STARD13: variants seen among roughly 807,000 people sequenced by gnomAD.
The protein encoded by STARD13 is StAR related lipid transfer domain containing 13, also known as stAR-related lipid transfer protein 13.
A neutral mutation model predicts 106.4 loss-of-function variants in STARD13; 62 were observed. The observed-to-expected ratio is 0.58, with a 90% CI of 0.48 to 0.72. The LOEUF (loss-of-function observed/expected upper bound fraction) is 0.72, where lower values mean the gene tolerates loss of function less well. Among genes scored for constraint, STARD13 ranks in the 30% least tolerant of loss-of-function variants. The pLI is 0.00. For missense variants in STARD13, 1,387 were observed against 1,424.0 expected (o/e 0.97, Z 0.42); for synonymous variants, 565 against 553.0 (o/e 1.02, Z -0.31).
At chr13:33,164,731 C>T (rs911988285) in intron 3 of STARD13, among the ~76,000 whole-genome samples, 16 of 152,142 alleles carry the variant, frequency 1.1e-4, no homozygotes, top group Admixed American at 9.2e-4. Context: ...CAAGATAATA[C>T]GTTGTTTTAA....
At chr13:33,628,186 CA>C in the STARD13 span, among the ~76,000 whole-genome samples, 1,882 of 146,934 alleles carry the variant, frequency 0.013, 32 homozygotes, top group African/African-American at 0.045. Context: ...CACACACACA[CA>C]CACACCACAT....
At chr13:33,382,386 C>G in the STARD13 span, among the ~76,000 whole-genome samples, 1 of 152,130 alleles carries the variant, frequency 6.6e-6, no homozygotes, top group East Asian at 1.9e-4. Context: ...CTAGACCCTC[C>G]CCACACTGGG....
chr13:33,216,542 A>G (rs1448500069), intron 1 of STARD13, among the ~76,000 whole-genome samples: 2 of 152,118 alleles, frequency 1.3e-5, no homozygotes, highest in Admixed American at 6.6e-5. Context: ...GAATGACACA[A>G]TGGACTTTGG....
intron 1 of STARD13, among the ~76,000 whole-genome samples, chr13:33,308,040 G>A (rs1892977182): frequency 6.6e-6 from 1 of 152,086 alleles, no homozygotes; most frequent in Non-Finnish European, 1.5e-5. Flanking sequence ...CAACACAAAG[G>A]GGCTATATTT....
chr13:33,524,153 T>C, the STARD13 span: 1 of 639,054 alleles, frequency 1.6e-6, no homozygotes, highest in Admixed American at 5.0e-5. Context: ...GTGAACACAG[T>C]GCTGTTTTTA....
the STARD13 span, chr13:33,524,165 C>A: frequency 3.5e-6 from 3 of 847,294 alleles, no homozygotes; most frequent in Non-Finnish European, 4.6e-6. Context: ...CTGTTTTTAC[C>A]TTGGTGAATT....
intron 1 of STARD13, among the ~76,000 whole-genome samples, chr13:33,217,200 A>T (rs779386967): frequency 2.0e-5 from 3 of 152,108 alleles, no homozygotes; most frequent in Non-Finnish European, 4.4e-5. Flanking sequence ...ACACCATATG[A>T]CACCTATCAT....
At chr13:33,272,142 T>A (rs1234391698) in intron 1 of STARD13, among the ~76,000 whole-genome samples, 2 of 152,228 alleles carry the variant, frequency 1.3e-5, no homozygotes, top group Non-Finnish European at 2.9e-5. Flanking sequence ...TACATCACAG[T>A]GGGTCCTCAA....
intron 3 of STARD13, among the ~76,000 whole-genome samples, chr13:33,142,827 T>C (rs1027414986): frequency 1.3e-5 from 2 of 152,214 alleles, no homozygotes; most frequent in Non-Finnish European, 2.9e-5. Flanking sequence ...ATCACAGTGC[T>C]GAATTATACA....
chr13:33,413,837 T>A, the STARD13 span, among the ~76,000 whole-genome samples: 1 of 151,372 alleles, frequency 6.6e-6, no homozygotes, highest in African/African-American at 2.4e-5. Flanking sequence ...TTCAAGACCA[T>A]CCTGGCTAAT....
chr13:33,301,170 G>A (rs1892694636), intron 1 of STARD13, among the ~76,000 whole-genome samples: 1 of 152,204 alleles, frequency 6.6e-6, no homozygotes, highest in South Asian at 2.1e-4. Context: ...ACAGCATTTA[G>A]TCCAGTGCCT....
chr13:33,529,935 G>A, the STARD13 span, among the ~76,000 whole-genome samples: 1 of 152,090 alleles, frequency 6.6e-6, no homozygotes, highest in South Asian at 2.1e-4. Context: ...ATATTAAGGA[G>A]TTTGAAATTT....
chr13:33,419,657 A>G, the STARD13 span, among the ~76,000 whole-genome samples: 3 of 152,242 alleles, frequency 2.0e-5, no homozygotes, highest in African/African-American at 7.2e-5. Context: ...CATAATTGTC[A>G]GATTCACCAA....
In STARD13 at chr13:33,201,346, G is replaced by A. The variant is rs564822641; in HGVS notation, c.170-33724C>T. On this transcript the variant is annotated intron_variant, in intron 1 of 13. Coordinates refer to ENST00000336934, the MANE Select transcript of STARD13 (RefSeq NM_178006.4). Reference sequence around the variant, plus strand: ...GCCCCATCAAATCCCGTGTTCAACTGACTACATGAACCTATTTTTGTCAGT... The same window carrying A: ...GCCCCATCAAATCCCGTGTTCAACTAACTACATGAACCTATTTTTGTCAGT... Among the ~76,000 whole-genome samples, 28 of 152,322 alleles carry A rather than the reference G, an allele frequency of 1.8e-4. No individual in the cohort carries two copies. In the South Asian group the frequency reaches 5.8e-3, roughly 32 times the overall value.
chr13:33,565,192 G>A, the STARD13 span, among the ~76,000 whole-genome samples: 1 of 146,168 alleles, frequency 6.8e-6, no homozygotes, highest in African/African-American at 2.5e-5. Flanking sequence ...CATGAAGATA[G>A]AGAGTGATTG....
chr13:33,479,403 A>T, the STARD13 span, among the ~76,000 whole-genome samples: 1 of 152,202 alleles, frequency 6.6e-6, no homozygotes, highest in Non-Finnish European at 1.5e-5. Context: ...AGAGACAAAA[A>T]TGCAAAAAGA....
At chr13:33,645,749 G>A in the STARD13 span, among the ~76,000 whole-genome samples, 1 of 152,152 alleles carries the variant, frequency 6.6e-6, no homozygotes, top group African/African-American at 2.4e-5. Flanking sequence ...TTAGAGTGGG[G>A]TGGCAGAGCT....
At chr13:33,350,689 C>G, upstream of STARD13, 2 of 1,147,554 alleles carry the variant, frequency 1.7e-6, no homozygotes, top group Non-Finnish European at 1.1e-6. Flanking sequence ...CTCCCCTCCT[C>G]CCCTCCGTTG....
the STARD13 span, among the ~76,000 whole-genome samples, chr13:33,615,831 T>C: frequency 6.6e-6 from 1 of 152,164 alleles, no homozygotes; most frequent in African/African-American, 2.4e-5. Context: ...GAAATAACTA[T>C]GTGGGAAAAT....
Sources: allele counts gnomAD v4.1 joint callset (sites outside exome capture counted in the v4.1 genomes callset), GRCh38; gene constraint gnomAD v4.1.1; transcripts MANE v1.5; gene names NCBI Gene and HGNC (gene_info 2026-07-23, HGNC 2026-07-21).